The following CNTNAP2 variants were observed in gnomAD, a reference collection of about 807,000 sequenced individuals.
CNTNAP2 encodes contactin-associated protein-like 2.
A neutral mutation model predicts 155.2 loss-of-function variants in CNTNAP2; 98 were observed. The ratio of observed to expected loss-of-function variants is 0.63; its 90% CI spans 0.54 to 0.75. The LOEUF (loss-of-function observed/expected upper bound fraction) is 0.75. CNTNAP2 is among the 30% of genes least tolerant of loss of function. The pLI is 0.00. For synonymous variants in CNTNAP2, 651 were observed against 631.2 expected (o/e 1.03, Z -0.47); for missense variants, 1,727 against 1,688.1 (o/e 1.02, Z -0.40).
intron 1 of CNTNAP2, among the ~76,000 whole-genome samples, chr7:146,706,947 C>T (rs1800976412): frequency 6.6e-6 from 1 of 151,236 alleles, no homozygotes; most frequent in Non-Finnish European, 1.5e-5. Context: ...TTCAAAGGCA[C>T]TGGACTCTAC....
At chr7:147,594,125 CTTT>C (rs397827040) in intron 12 of CNTNAP2, among the ~76,000 whole-genome samples, 3 of 120,032 alleles carry the variant, frequency 2.5e-5, no homozygotes. Flanking sequence ...TCTGGTGTCT[CTTT>C]TTTTTTTTTT....
At chr7:148,361,279 A>G (rs555600471) in intron 21 of CNTNAP2, among the ~76,000 whole-genome samples, 1 of 152,224 alleles carries the variant, frequency 6.6e-6, no homozygotes, top group East Asian at 1.9e-4. Flanking sequence ...CAAATACTCA[A>G]TCTCTCTGCC....
At chr7:146,518,250 G>A (rs576525439) in intron 1 of CNTNAP2, among the ~76,000 whole-genome samples, 7 of 151,348 alleles carry the variant, frequency 4.6e-5, no homozygotes, top group African/African-American at 1.7e-4. Context: ...AGTAGAACAG[G>A]CTTGAAAAAA....
At chr7:147,158,915 A>G (rs1003228397) in intron 8 of CNTNAP2, among the ~76,000 whole-genome samples, 6 of 152,154 alleles carry the variant, frequency 3.9e-5, no homozygotes, top group Non-Finnish European at 7.4e-5. Context: ...ACAGTGTAAT[A>G]AAATCCATAA....
intron 10 of CNTNAP2, among the ~76,000 whole-genome samples, chr7:147,429,833 A>G (rs146393685): frequency 1.4e-4 from 21 of 152,158 alleles, no homozygotes; most frequent in African/African-American, 4.8e-4. Context: ...TCCCCACTTT[A>G]TGTTTTTGTC....
At chr7:147,213,980 G>A (rs1305061651) in intron 8 of CNTNAP2, among the ~76,000 whole-genome samples, 1 of 152,024 alleles carries the variant, frequency 6.6e-6, no homozygotes, top group African/African-American at 2.4e-5. Context: ...ATTGAATGGT[G>A]CCCAGACACA....
At chr7:148,276,502 A>C (rs1285005751) in intron 21 of CNTNAP2, among the ~76,000 whole-genome samples, 1 of 152,164 alleles carries the variant, frequency 6.6e-6, no homozygotes, top group African/African-American at 2.4e-5. Context: ...ACTCCCCAGC[A>C]CTTCCAGCTT....
At chr7:146,284,913 T>C (rs1054457867) in intron 1 of CNTNAP2, among the ~76,000 whole-genome samples, 1 of 152,224 alleles carries the variant, frequency 6.6e-6, no homozygotes, top group Non-Finnish European at 1.5e-5. Flanking sequence ...AGGCTATGAC[T>C]ATGCTTCTTG....
intron 8 of CNTNAP2, among the ~76,000 whole-genome samples, chr7:147,171,285 C>T (rs1802220925): frequency 6.6e-6 from 1 of 152,220 alleles, no homozygotes; most frequent in Non-Finnish European, 1.5e-5. Flanking sequence ...GTGTTTTCTT[C>T]ATCCACATTC....
chr7:147,575,738 T>G (rs969896459), intron 12 of CNTNAP2, among the ~76,000 whole-genome samples: 1 of 152,048 alleles, frequency 6.6e-6, no homozygotes, highest in African/African-American at 2.4e-5. Flanking sequence ...CAAATTTTAA[T>G]GTAAATTAAT....
intron 2 of CNTNAP2, among the ~76,000 whole-genome samples, chr7:146,780,693 T>C (rs988488200): frequency 4.0e-5 from 6 of 151,858 alleles, no homozygotes; most frequent in Non-Finnish European, 8.8e-5. Flanking sequence ...TATGCAGCTA[T>C]AGAAAAGAAT....
chr7:147,308,376 A>G (rs1255073370), intron 9 of CNTNAP2, among the ~76,000 whole-genome samples: 1 of 152,156 alleles, frequency 6.6e-6, no homozygotes. Context: ...TAGTTGGATG[A>G]GGGAGAACAG....
chr7:146,646,849 C>T (rs890049446), intron 1 of CNTNAP2, among the ~76,000 whole-genome samples: 5 of 152,094 alleles, frequency 3.3e-5, no homozygotes, highest in East Asian at 1.9e-4. Context: ...AGACAAGAGT[C>T]GCCTAGTGAA....
intron 12 of CNTNAP2, among the ~76,000 whole-genome samples, chr7:147,626,334 ATTGCATGGGGGG>A (rs918043019): frequency 6.0e-5 from 9 of 151,040 alleles, no homozygotes; most frequent in African/African-American, 2.0e-4. Flanking sequence ...GGCCTTGCCA[ATTGCATGGGGGG>A]GTGGGTTAGG....
chr7:146,837,066 A>C (rs9691764), intron 2 of CNTNAP2, among the ~76,000 whole-genome samples: 28,234 of 151,998 alleles, frequency 0.19, 8,294 homozygotes, highest in African/African-American at 0.62. Context: ...TCCCTTGTAT[A>C]TCTCCTGCCT....
intron 2 of CNTNAP2, among the ~76,000 whole-genome samples, chr7:146,811,234 C>A (rs1379548700): frequency 1.3e-5 from 2 of 152,120 alleles, no homozygotes; most frequent in Non-Finnish European, 2.9e-5. Flanking sequence ...TTAAATACTT[C>A]ATAAAATTCA....
At chr7:146,300,918 T>G (rs997204007) in intron 1 of CNTNAP2, among the ~76,000 whole-genome samples, 1 of 152,174 alleles carries the variant, frequency 6.6e-6, no homozygotes, top group Admixed American at 6.5e-5. Flanking sequence ...TTTATACAAA[T>G]CATTTAAATC....
chr7:146,274,298 C>T (rs1265969302), intron 1 of CNTNAP2, among the ~76,000 whole-genome samples: 1 of 152,060 alleles, frequency 6.6e-6, no homozygotes, highest in African/African-American at 2.4e-5. Flanking sequence ...TTGCAAATGG[C>T]GTAAGAAATG....
At chr7:147,634,834 C>T (rs1444229004) in intron 12 of CNTNAP2, among the ~76,000 whole-genome samples, 1 of 152,078 alleles carries the variant, frequency 6.6e-6, no homozygotes, top group Non-Finnish European at 1.5e-5. Context: ...CAAGCCAGAT[C>T]TCTTACTATG....
Sources: allele counts gnomAD v4.1 joint callset (sites outside exome capture counted in the v4.1 genomes callset), GRCh38; gene constraint gnomAD v4.1.1; transcripts MANE v1.5; gene names NCBI Gene and HGNC (gene_info 2026-07-23, HGNC 2026-07-21).